PDE5A: variants seen among roughly 807,000 people sequenced by gnomAD.
PDE5A encodes phosphodiesterase 5A.
Under a neutral mutation model 110.2 loss-of-function variants are expected in PDE5A, and 67 were observed. The observed-to-expected ratio is 0.61, with a 90% confidence interval of 0.50 to 0.75. The LOEUF is 0.75. Among genes scored for constraint, PDE5A ranks in the 30% least tolerant of loss-of-function variants. The pLI, the probability that PDE5A is intolerant of heterozygous loss-of-function variation, is 0.00. For synonymous variants in PDE5A, 328 were observed against 351.2 expected, an observed-to-expected ratio of 0.93 and a Z score of 0.74; for missense variants, 862 against 1,045.1, an observed-to-expected ratio of 0.82 and a Z score of 2.42.
chr4:119,612,137 T>C (rs1304793467), intron 1 of PDE5A, among the ~76,000 whole-genome samples: 6 of 152,298 alleles, frequency 3.9e-5, no homozygotes, highest in African/African-American at 7.2e-5. Flanking sequence ...CCGAAGGTGA[T>C]AGTATTAGGA....
chr4:119,626,815 G>C (rs1452610943), intron 1 of PDE5A, among the ~76,000 whole-genome samples: 1 of 152,170 alleles, frequency 6.6e-6, no homozygotes, highest in African/African-American at 2.4e-5. Context: ...TTTAAAAGAA[G>C]GGCTGGGTTA....
intron 3 of PDE5A, among the ~76,000 whole-genome samples, chr4:119,587,011 A>G (rs1382081908): frequency 6.6e-6 from 1 of 152,210 alleles, no homozygotes; most frequent in Non-Finnish European, 1.5e-5. Context: ...GCTGCTCTTA[A>G]GAAACATTCT....
At chr4:119,626,256 G>A (rs1225364825) in intron 1 of PDE5A, among the ~76,000 whole-genome samples, 1 of 152,040 alleles carries the variant, frequency 6.6e-6, no homozygotes, top group Non-Finnish European at 1.5e-5. Context: ...GGGAGAAAAA[G>A]TAATGGGAAA....
At chr4:119,543,305 CTA>C (rs961482117) in intron 9 of PDE5A, 2 of 152,080 alleles carry the variant, frequency 1.3e-5, no homozygotes, top group African/African-American at 4.8e-5. Context: ...ACTGGTTGTT[CTA>C]TGAGTTTCTG....
At chr4:119,509,632 A>G (rs2127822) in intron 15 of PDE5A, among the ~76,000 whole-genome samples, 6,802 of 152,134 alleles carry the variant, frequency 0.045, 228 homozygotes, top group Middle Eastern at 0.088. Context: ...TAGAACGTCT[A>G]TAGTATACTG....
At chr4:119,532,822 C>T (rs891353935) in intron 11 of PDE5A, among the ~76,000 whole-genome samples, 3 of 152,172 alleles carry the variant, frequency 2.0e-5, no homozygotes, top group African/African-American at 4.8e-5. Flanking sequence ...TACATGGCTA[C>T]GCAATTTGCT....
intron 15 of PDE5A, among the ~76,000 whole-genome samples, chr4:119,510,559 G>C (rs1300470205): frequency 2.0e-5 from 3 of 151,938 alleles, no homozygotes; most frequent in Non-Finnish European, 4.4e-5. Context: ...CTTAACATAA[G>C]TATGTTTAGC....
chr4:119,607,260 T>C lies in PDE5A; in HGVS notation c.190A>G (p.Thr64Ala), dbSNP rs960084655. 10 of 1,612,860 alleles carry C rather than the reference T, an allele frequency of 6.2e-6. No homozygotes were observed. The highest frequency in any genetic ancestry group is 1.3e-5 in the African/African-American group (1 of 74,908). ...ATACCTTCCTTGCACACAGGGATGG[T>C]GTGAACTCTCTCAGCAAACCATGCA... is the stretch of plus-strand genomic sequence containing the variant. ...VNAWFAERVH[T>A]IPVCKEGIRG... Residue 64 changes from threonine to alanine, a missense_variant, in exon 2 of 21, where the codon ACC (threonine) becomes GCC (alanine). Thr to Ala is a moderately conservative substitution (Grantham distance 58). Transcript: ENST00000354960.
chr4:119,560,401 CAAGGTAATGAA>C (rs1419227297), intron 6 of PDE5A, 38 bp from the exon 7 acceptor site: 2 of 1,413,522 alleles, frequency 1.4e-6, no homozygotes, highest in Non-Finnish European at 2.0e-6. Flanking sequence ...ATAAGTTTGA[CAAGGTAATGAA>C]AACTATCTAG....
intron 11 of PDE5A, among the ~76,000 whole-genome samples, chr4:119,533,471 T>C (rs190153543): frequency 1.6e-3 from 241 of 152,252 alleles, no homozygotes; most frequent in African/African-American, 5.5e-3. Flanking sequence ...GCTTTTAGAA[T>C]TTATCTTTTT....
intron 12 of PDE5A, among the ~76,000 whole-genome samples, chr4:119,523,149 C>T (rs1726190109): frequency 1.3e-5 from 2 of 152,022 alleles, no homozygotes; most frequent in African/African-American, 2.4e-5. Flanking sequence ...ATTCTTAAGT[C>T]AGGCTCTGAA....
intron 1 of PDE5A, among the ~76,000 whole-genome samples, chr4:119,608,187 A>T (rs545226803): frequency 1.3e-5 from 2 of 152,324 alleles, no homozygotes; most frequent in African/African-American, 4.8e-5. Context: ...ATGGTAAAAA[A>T]GATCTATTTT....
chr4:119,526,276 T>C (rs929898702), intron 11 of PDE5A, among the ~76,000 whole-genome samples: 2 of 152,132 alleles, frequency 1.3e-5, no homozygotes, highest in African/African-American at 4.8e-5. Context: ...CCAGGAAGAC[T>C]ATCCTGTGCC....
chr4:119,552,991 C>T (rs991339028), intron 8 of PDE5A, among the ~76,000 whole-genome samples: 7 of 152,016 alleles, frequency 4.6e-5, no homozygotes, highest in African/African-American at 1.7e-4. Context: ...AGAATCTAAA[C>T]GCCACCTAAA....
intron 13 of PDE5A, 51 bp from the exon 14 acceptor site, chr4:119,519,190 A>G (rs1726026639): frequency 7.6e-7 from 1 of 1,319,844 alleles, no homozygotes; most frequent in Non-Finnish European, 1.1e-6. Context: ...TAATGTGGTG[A>G]AGGACATTAT....
In PDE5A at chr4:119,522,003, A is replaced by G. The variant is rs546062187; in HGVS notation, c.1780-943T>C. On this transcript the variant is annotated intron_variant, in intron 12 of 20. Coordinates refer to ENST00000354960, the MANE Select transcript of PDE5A (RefSeq NM_001083.4). ...AAGAACATTGCCCTGGGAAATGGAA[A>G]AAGTACCAGGGAAAAGAATGTTGCT... Among the ~76,000 whole-genome samples, 15 of 152,202 alleles carry G rather than the reference A, an allele frequency of 9.9e-5. No individual in the cohort carries two copies. In the South Asian group the frequency reaches 3.1e-3, roughly 32 times the overall value.
Position 119,607,296 on chromosome 4 carries a change from C to G in PDE5A, c.154G>C (p.Glu52Gln). 1.2e-6 allele frequency: 2 copies of G among 1,602,726 alleles called. No homozygotes were observed. The highest frequency in any genetic ancestry group is 1.7e-6 in the Non-Finnish European group (2 of 1,175,314). ...FSYFVRKATR[E>Q]MVNAWFAERV... ...TCAGCAAACCATGCATTGACCATTTCTCTGCAGAACAGAACGTGCAGACAC... is the reference window on the plus strand; with the variant it reads ...TCAGCAAACCATGCATTGACCATTTGTCTGCAGAACAGAACGTGCAGACAC... The change falls in exon 2 of 21, where the codon GAA (glutamate) becomes CAA (glutamine). Residue 52 changes from glutamate to glutamine, a missense_variant and splice_region_variant. Glu to Gln is a conservative substitution (Grantham distance 29). Coordinates refer to ENST00000354960, the MANE Select transcript of PDE5A (RefSeq NM_001083.4).
At chr4:119,564,844 G>A (rs1260057304) in intron 5 of PDE5A, among the ~76,000 whole-genome samples, 1 of 152,048 alleles carries the variant, frequency 6.6e-6, no homozygotes, top group African/African-American at 2.4e-5. Context: ...TACCAATGTG[G>A]GCAATTGTAA....
chr4:119,502,913 G>A (rs1310433575), intron 18 of PDE5A, among the ~76,000 whole-genome samples: 1 of 137,464 alleles, frequency 7.3e-6, no homozygotes, highest in Non-Finnish European at 1.6e-5. Context: ...ATTTAAAAAT[G>A]TTTTCTTCAT....
Sources: allele counts gnomAD v4.1 joint callset (sites outside exome capture counted in the v4.1 genomes callset), GRCh38; gene constraint gnomAD v4.1.1; transcripts MANE v1.5; gene names NCBI Gene and HGNC (gene_info 2026-07-23, HGNC 2026-07-21).